The following VWA7 variants were observed in gnomAD, a reference collection of about 807,000 sequenced individuals.
VWA7 encodes von Willebrand factor A domain-containing protein 7.
A neutral mutation model predicts 83.1 loss-of-function variants in VWA7; 66 were observed. The observed-to-expected ratio is 0.79, with a 90% CI of 0.65 to 0.98. VWA7 has a LOEUF of 0.98. VWA7 is among the 50% of genes least tolerant of loss of function. The pLI is 0.00. For missense variants in VWA7, 1,080 were observed against 1,160.2 expected (o/e 0.93, Z 1.00); for synonymous variants, 424 against 488.5 (o/e 0.87, Z 1.74).
Position 31,765,707 on chromosome 6 carries a change from A to G in VWA7, c.2563T>C (p.Ser855Pro), listed in dbSNP as rs776879390. ...PILTTATPAF[S>P]PFTLVTQGRA... is the part of the protein sequence containing the mutation. ...CCTTGAGTCACCAATGTGAAGGGGG[A>G]AAAGGCAGGGGTGGCCGTGGTGAGG... Residue 855 changes from serine to proline, a missense_variant, in exon 17 of 17, where the codon TCC becomes CCC. Coordinates refer to ENST00000375688, the MANE Select transcript of VWA7 (RefSeq NM_025258.3). 1 of 1,596,520 alleles carries G rather than the reference A, an allele frequency of 6.3e-7. No homozygotes were observed. Among genetic ancestry groups the G allele is most frequent in the Admixed American group, 1.8e-5 (1 of 57,002 alleles).
In VWA7 at chr6:31,776,344, C is replaced by T; in HGVS notation, c.235-102G>A. On this transcript the variant is annotated intron_variant, in intron 2 of 16. Transcript: ENST00000375688. This position sits in a 1 kb window ranked among gnomAD's most constrained non-coding sequence, Gnocchi z 6.2. ...ACACTCAAGGCTGGGTATGAGGGTC[C>T]TGAGCCCCACAAAGGAGGGACAGTC... 1 of 1,482,536 alleles carries T rather than the reference C, an allele frequency of 6.7e-7. No homozygotes were observed. The highest frequency in any genetic ancestry group is 1.4e-5 in the African/African-American group (1 of 71,278). The allele number at this position is 1,482,536 out of a possible 1,614,324, so 91.8% of individuals were successfully genotyped here. A position where few individuals can be genotyped will look rare whatever the true frequency, so the allele number is the denominator to read the frequency against.
In VWA7 at chr6:31,769,501, C is replaced by T. The variant is rs888228188; in HGVS notation, c.1317+174G>A. Among the ~76,000 whole-genome samples, 1 of 152,168 alleles carries T rather than the reference C, an allele frequency of 6.6e-6. No individual in the cohort carries two copies. The highest frequency in any genetic ancestry group is 2.4e-5 in the African/African-American group (1 of 41,444). On this transcript the variant is annotated intron_variant, in intron 9 of 16. Transcript: ENST00000375688. The surrounding 1 kb of genome is among the most constrained non-coding windows in gnomAD (Gnocchi z 4.5). ...GCGTTATTAAGGGTAGGGCCTCTTA[C>T]GTATATCATTAAAGGTATCAGGAAA...
rs574887629 is a variant in VWA7 at position 31,773,104 on chromosome 6, C to A, written c.937G>T (p.Ala313Ser). Residue 313 changes from alanine (A) to serine (S), a missense_variant, in exon 7 of 17, where the codon GCC (alanine) becomes TCC (serine). By Grantham distance (99) the Ala-to-Ser change is moderately conservative (BLOSUM62 1). Transcript: ENST00000375688. This position sits in a 1 kb window ranked among gnomAD's most constrained non-coding sequence, Gnocchi z 5.3. ...DFSRLLDITPASSLSFVLDTT... is the reference protein window; with the variant it reads ...DFSRLLDITPSSSLSFVLDTT... ...TCCAGGACAAAGCTCAGGCTGGAGGCTGGGGTGATGTCCAGCAGCCTGGGG... is the reference window on the plus strand; with the variant it reads ...TCCAGGACAAAGCTCAGGCTGGAGGATGGGGTGATGTCCAGCAGCCTGGGG... The A allele has an allele frequency of 6.2e-7, 1 of 1,611,616 alleles. No homozygotes were observed. The highest frequency in any genetic ancestry group is 1.3e-5 in the African/African-American group (1 of 75,046).
chr6:31,776,026 C>T lies in VWA7; in HGVS notation c.451G>A (p.Ala151Thr), dbSNP rs1253716370. ...GCCAGGGTGTGGTCAAGGGCCCTGG[C>T]TGCCACCACGGTCTCCCGCAGAGCC... ...VGALRETVVA[A>T]RALDHTLARQ... The change falls in exon 3 of 17, where the codon GCC becomes ACC. Residue 151 changes from alanine (A) to threonine (T), a missense_variant. Physicochemically the swap from Ala to Thr is moderately conservative, Grantham distance 58. Transcript: ENST00000375688. The surrounding 1 kb of genome is among the most constrained non-coding windows in gnomAD (Gnocchi z 6.2). 2 of 1,613,358 alleles carry T rather than the reference C, an allele frequency of 1.2e-6. No individual in the cohort carries two copies. The highest frequency in any genetic ancestry group is 2.7e-5 in the African/African-American group (2 of 74,944).
chr6:31,770,219 A>T lies in VWA7; in HGVS notation c.1088-106T>A, dbSNP rs1014974918. The T allele has an allele frequency of 6.0e-6, 5 of 833,508 alleles. No individual in the cohort carries two copies. The Admixed American group carries it at 7.8e-5, about 13-fold the overall frequency. The allele number at this position is 833,508 out of a possible 1,614,324, so 51.6% of individuals were successfully genotyped here. ...GGCCTGGTGTGCTTCTGGAGCCGACAGGTATTGAAATAACAATACTCCATT... is the reference window on the plus strand; with the variant it reads ...GGCCTGGTGTGCTTCTGGAGCCGACTGGTATTGAAATAACAATACTCCATT... On this transcript the variant is annotated intron_variant, in intron 7 of 16. Coordinates refer to ENST00000375688, the MANE Select transcript of VWA7 (RefSeq NM_025258.3).
chr6:31,774,923 C>T (rs1272919287), intron 4 of VWA7, among the ~76,000 whole-genome samples: 2 of 152,010 alleles, frequency 1.3e-5, no homozygotes, highest in South Asian at 2.1e-4. Flanking sequence ...ACAGTGAGAC[C>T]TCATCTCTAA....
In VWA7 at chr6:31,766,449, C is replaced by T; in HGVS notation, c.2184+14G>A. Reference sequence around the variant, plus strand: ...TCTCTCCAGCCCCAGCCGCACTTTCCCCTGGCGTCTCACCTCCAGAAGGAC... The same window carrying T: ...TCTCTCCAGCCCCAGCCGCACTTTCTCCTGGCGTCTCACCTCCAGAAGGAC... On this transcript the variant is annotated intron_variant, in intron 14 of 16. Coordinates refer to ENST00000375688, the MANE Select transcript of VWA7 (RefSeq NM_025258.3). The surrounding 1 kb of genome is among the most constrained non-coding windows in gnomAD (Gnocchi z 4.9). 1 of 1,582,352 alleles carries T rather than the reference C, an allele frequency of 6.3e-7. No individual in the cohort carries two copies. Among genetic ancestry groups the T allele is most frequent in the South Asian group, 1.1e-5 (1 of 87,730 alleles).
At chr6:31,765,795 CAG>C (rs770422127) in intron 16 of VWA7, 25 bp from the exon 17 acceptor site, 32 of 1,585,844 alleles carry the variant, frequency 2.0e-5, no homozygotes, top group Non-Finnish European at 2.3e-5. Flanking sequence ...AAGAGAATGA[CAG>C]GGTGTGCTAG....
chr6:31,775,238 T>TC lies in VWA7; in HGVS notation c.610+94dup. On this transcript the variant is annotated intron_variant, in intron 4 of 16. Coordinates refer to ENST00000375688, the MANE Select transcript of VWA7 (RefSeq NM_025258.3). This position sits in a 1 kb window ranked among gnomAD's most constrained non-coding sequence, Gnocchi z 5.9. ...CAGTCCTTGTGGAGATTAAGTAACA[T>TC]CATACCCTCTGGGACTTCAGAATGT... 9.0e-7 allele frequency: 1 copy of TC among 1,109,492 alleles called. No homozygotes were observed. Among genetic ancestry groups the TC allele is most frequent in the Admixed American group, 2.6e-5 (1 of 38,698 alleles). The allele number at this position is 1,109,492 out of a possible 1,614,324, so 68.7% of individuals were successfully genotyped here. A position where few individuals can be genotyped will look rare whatever the true frequency, so the allele number is the denominator to read the frequency against.
At chr6:31,774,455 A>G in intron 5 of VWA7, 61 bp downstream of exon 5, 2 of 1,462,136 alleles carry the variant, frequency 1.4e-6, no homozygotes, top group Non-Finnish European at 1.9e-6. Flanking sequence ...CCTACAGGAC[A>G]GAGATCCTGT....
intron 5 of VWA7, 129 bp downstream of exon 5, chr6:31,774,386 CA>C: frequency 2.3e-6 from 2 of 860,730 alleles, no homozygotes; most frequent in Middle Eastern, 2.8e-4. Flanking sequence ...TTCCTCCACC[CA>C]CCCTGTTCCC....
Position 31,766,615 on chromosome 6 carries a change from G to C in VWA7, c.2032C>G (p.Pro678Ala), listed in dbSNP as rs757089769. 6.2e-7 allele frequency: 1 copy of C among 1,613,046 alleles called. No homozygotes were observed. Among genetic ancestry groups the C allele is most frequent in the South Asian group, 1.1e-5 (1 of 91,084 alleles). Residue 678 changes from proline (P) to alanine (A), a missense_variant, in exon 14 of 17, where the codon CCG (proline) becomes GCG (alanine). Pro to Ala is a conservative substitution (Grantham distance 27). Transcript: ENST00000375688. The surrounding 1 kb of genome is among the most constrained non-coding windows in gnomAD (Gnocchi z 4.9). Reference sequence around the variant, plus strand: ...GAGGCTGCGAGGAGACCTCGCTCCGGAGGTCCCACGGGCTCCAAGGGCACC... The same window carrying C: ...GAGGCTGCGAGGAGACCTCGCTCCGCAGGTCCCACGGGCTCCAAGGGCACC... ...GQVPLEPVGP[P>A]ERGLLAASLS...
rs1460054882 is a variant in VWA7 at position 31,766,176 on chromosome 6, G to A, written c.2324+69C>T. The A allele has an allele frequency of 1.5e-5, 23 of 1,575,944 alleles. No homozygotes were observed. Among genetic ancestry groups the A allele is most frequent in the Non-Finnish European group, 1.8e-5 (21 of 1,157,468 alleles). ...CTGAGGGCCAGTCGGAGGGGGACAG[G>A]GGCAGGGCTTGGGATAAGCATTGGC... On this transcript the variant is annotated intron_variant, in intron 15 of 16. Transcript: ENST00000375688. This position sits in a 1 kb window ranked among gnomAD's most constrained non-coding sequence, Gnocchi z 4.9.
chr6:31,770,869 G>T (rs765063590), intron 7 of VWA7, among the ~76,000 whole-genome samples: 6 of 151,892 alleles, frequency 4.0e-5, no homozygotes, highest in African/African-American at 7.3e-5. Flanking sequence ...AAATTAGCCA[G>T]ATATGGTGGT....
At position 31,772,949 on chromosome 6, in the gene VWA7, C is replaced by T; in HGVS notation, c.1087+5G>A. The T allele has an allele frequency of 6.2e-7, 1 of 1,609,918 alleles. No homozygotes were observed. Among genetic ancestry groups the T allele is most frequent in the Non-Finnish European group, 8.5e-7 (1 of 1,179,638 alleles). ...CCTCTACTGTCCTAGCCAGACCACACTTACCTGGGTCATGAAAAGGCACCA... is the reference window on the plus strand; with the variant it reads ...CCTCTACTGTCCTAGCCAGACCACATTTACCTGGGTCATGAAAAGGCACCA... On this transcript the variant is annotated splice_donor_5th_base_variant and intron_variant, in intron 7 of 16. Transcript: ENST00000375688.
Position 31,776,768 on chromosome 6 carries a change from C to T in VWA7, c.12G>A (p.Thr4=), listed in dbSNP as rs962249965. MLP[T]EVPQSHPGPS... ...GGCCCGGGTGGGATTGGGGGACCTC[C>T]GTGGGGAGCATGGCTGAGACATGGA... Residue 4 remains threonine, a synonymous_variant, in exon 2 of 17, where the codon ACG becomes ACA. Transcript: ENST00000375688. The surrounding 1 kb of genome is among the most constrained non-coding windows in gnomAD (Gnocchi z 6.2). The T allele has an allele frequency of 6.4e-5, 91 of 1,425,494 alleles. No individual in the cohort carries two copies. The highest frequency in any genetic ancestry group is 5.7e-4 in the Admixed American group (20 of 35,278). The allele number at this position is 1,425,494 out of a possible 1,614,324, so 88.3% of individuals were successfully genotyped here.
At position 31,769,574 on chromosome 6, in the gene VWA7, G is replaced by T. The variant is rs1280454500; in HGVS notation, c.1317+101C>A. On this transcript the variant is annotated intron_variant, in intron 9 of 16. Coordinates refer to ENST00000375688, the MANE Select transcript of VWA7 (RefSeq NM_025258.3). This position sits in a 1 kb window ranked among gnomAD's most constrained non-coding sequence, Gnocchi z 4.5. ...TCCCACCATATACCAAGGCTTGTTG[G>T]GCCACCATAGTGTGGTGCAACCCTC... The T allele has an allele frequency of 2.1e-5, 23 of 1,090,506 alleles. No homozygotes were observed. In the Admixed American group the frequency reaches 3.9e-4, roughly 19 times the overall value. 67.6% of individuals were successfully genotyped at this position (1,090,506 alleles called of 1,614,324 possible). A position where few individuals can be genotyped will look rare whatever the true frequency, so the allele number is the denominator to read the frequency against.
Position 31,775,538 on chromosome 6 carries a change from C to T in VWA7, c.514-109G>A. 1.1e-6 allele frequency: 1 copy of T among 936,830 alleles called. No individual in the cohort carries two copies. The highest frequency in any genetic ancestry group is 1.6e-6 in the Non-Finnish European group (1 of 621,712). 58.0% of individuals were successfully genotyped at this position (936,830 alleles called of 1,614,324 possible). ...AGTTCCCCATCCCGAAAGTCCCCTC[C>T]CACCCCTACTGCTCCCACCAGACAC... On this transcript the variant is annotated intron_variant, in intron 3 of 16. Coordinates refer to ENST00000375688, the MANE Select transcript of VWA7 (RefSeq NM_025258.3). The surrounding 1 kb of genome is among the most constrained non-coding windows in gnomAD (Gnocchi z 5.9).
At chr6:31,768,479 G>C (rs1811849594) in intron 10 of VWA7, among the ~76,000 whole-genome samples, 3 of 151,988 alleles carry the variant, frequency 2.0e-5, no homozygotes, top group Admixed American at 2.0e-4. Flanking sequence ...AAGATGGTAG[G>C]ACTTCCTGTG....
Sources: allele counts gnomAD v4.1 joint callset (sites outside exome capture counted in the v4.1 genomes callset), GRCh38; gene constraint gnomAD v4.1.1; non-coding constraint Gnocchi (gnomAD v3.1); transcripts MANE v1.5; gene names NCBI Gene and HGNC (gene_info 2026-07-23, HGNC 2026-07-21).